The following MAP3K20 variants were observed in gnomAD, a reference collection of about 807,000 sequenced individuals.
The protein encoded by MAP3K20 is mitogen-activated protein kinase kinase kinase 20, also known as HCCS-4.
Under a neutral mutation model 85.7 loss-of-function variants are expected in MAP3K20, and 40 were observed. The ratio of observed to expected loss-of-function variants is 0.47; its 90% confidence interval spans 0.36 to 0.61. The LOEUF is 0.61. MAP3K20 is among the 20% of genes least tolerant of loss of function. The probability of loss-of-function intolerance (pLI) is 0.00; values close to 1 mark genes in which losing one functional copy is unlikely to be tolerated. For missense variants in MAP3K20, 817 were observed against 961.7 expected (o/e 0.85, Z 1.99); for synonymous variants, 325 against 327.7 (o/e 0.99, Z 0.09).
At position 173,232,186 on chromosome 2, in the gene MAP3K20, T is replaced by G; in HGVS notation, c.1033-6T>G. 1 of 1,614,228 alleles carries G rather than the reference T, an allele frequency of 6.2e-7. No individual in the cohort carries two copies. The highest frequency in any genetic ancestry group is 1.6e-4 in the Middle Eastern group (1 of 6,062). On this transcript the variant is annotated splice_region_variant and splice_polypyrimidine_tract_variant and intron_variant, in intron 12 of 19. Transcript: ENST00000375213. ...TTCAAAACCGTATGTGTCCTCTCTT[T>G]CACAGTATTGTTGGGTTCAGCAGCT...
At chr2:173,127,722 A>G (rs2106195794) in intron 2 of MAP3K20, among the ~76,000 whole-genome samples, 1 of 137,124 alleles carries the variant, frequency 7.3e-6, no homozygotes, top group East Asian at 2.2e-4. Context: ...AGTAAAATTT[A>G]TCCTATGTTA....
At chr2:173,193,843 C>T (rs575713134) in intron 7 of MAP3K20, among the ~76,000 whole-genome samples, 3 of 152,268 alleles carry the variant, frequency 2.0e-5, no homozygotes, top group Admixed American at 2.0e-4. Flanking sequence ...GCTGACCCTA[C>T]CTTTGCTTAG....
upstream of MAP3K20, chr2:173,075,732 G>A (rs1186703935): frequency 2.0e-6 from 2 of 985,332 alleles, no homozygotes; most frequent in Non-Finnish European, 2.4e-6. Flanking sequence ...CCGGGCGCAG[G>A]CCAGGGAGGC....
chr2:173,221,037 C>A, intron 11 of MAP3K20: 1 of 805,740 alleles, frequency 1.2e-6, no homozygotes, highest in Non-Finnish European at 1.7e-6. Flanking sequence ...TCATTTATTT[C>A]ACTAATCATT....
intron 11 of MAP3K20, among the ~76,000 whole-genome samples, chr2:173,218,666 T>A (rs1193341706): frequency 6.6e-6 from 1 of 152,228 alleles, no homozygotes; most frequent in Non-Finnish European, 1.5e-5. Flanking sequence ...TTAAAATGCA[T>A]TGAAATCTAA....
intron 9 of MAP3K20, 165 bp from the exon 10 acceptor site, chr2:173,209,564 C>CTGAG: frequency 1.8e-6 from 1 of 565,080 alleles, no homozygotes; most frequent in Non-Finnish European, 3.0e-6. Flanking sequence ...CTCCCTAAAC[C>CTGAG]TGAGTGATCT....
At chr2:173,168,852 A>G (rs940844129) in intron 2 of MAP3K20, among the ~76,000 whole-genome samples, 3 of 152,154 alleles carry the variant, frequency 2.0e-5, no homozygotes, top group African/African-American at 7.2e-5. Flanking sequence ...ATTAGCAGAT[A>G]TATATTATAG....
rs550171521 is a variant in MAP3K20 at position 173,086,057 on chromosome 2, A to G, written c.-34-4941A>G. Among the ~76,000 whole-genome samples the G allele has an allele frequency of 7.9e-5, 12 of 152,118 alleles. No individual in the cohort carries two copies. The East Asian group carries it at 2.1e-3, about 27-fold the overall frequency. ...GTGATCCACCCATCTCGGCTTCCCA[A>G]AGTGCTGGGACTATAGGCGTGAGCC... is the stretch of plus-strand genomic sequence containing the variant. On this transcript the variant is annotated intron_variant, in intron 1 of 19. Transcript: ENST00000375213.
At chr2:173,185,929 G>A (rs1440194794) in intron 4 of MAP3K20, among the ~76,000 whole-genome samples, 1 of 152,110 alleles carries the variant, frequency 6.6e-6, no homozygotes, top group Non-Finnish European at 1.5e-5. Context: ...AACCCTGAAT[G>A]TACACCTGAT....
chr2:173,179,691 T>C (rs1690266129), intron 3 of MAP3K20, among the ~76,000 whole-genome samples: 1 of 128,532 alleles, frequency 7.8e-6, no homozygotes, highest in Non-Finnish European at 1.6e-5. Context: ...AGGTAGAAAA[T>C]CCTAAGGAAT....
At chr2:173,156,591 A>G (rs1689479225) in intron 2 of MAP3K20, among the ~76,000 whole-genome samples, 1 of 152,190 alleles carries the variant, frequency 6.6e-6, no homozygotes, top group South Asian at 2.1e-4. Context: ...AAGACCGTGC[A>G]ACCTAGATCC....
chr2:173,158,077 C>G (rs1689532990), intron 2 of MAP3K20, among the ~76,000 whole-genome samples: 1 of 152,146 alleles, frequency 6.6e-6, no homozygotes, highest in Non-Finnish European at 1.5e-5. Context: ...ATTTCTTGTA[C>G]CCTCGGGCAA....
chr2:173,246,999 A>G (rs1684931534), intron 16 of MAP3K20, among the ~76,000 whole-genome samples: 1 of 152,196 alleles, frequency 6.6e-6, no homozygotes, highest in African/African-American at 2.4e-5. Context: ...AACCTTTGGA[A>G]GAGGTAGAAG....
intron 11 of MAP3K20, chr2:173,224,500 G>T: frequency 1.0e-6 from 1 of 985,140 alleles, no homozygotes; most frequent in Non-Finnish European, 1.2e-6. Flanking sequence ...CATTAATTAG[G>T]TAATATTTTC....
chr2:173,226,470 T>G, intron 11 of MAP3K20: 5 of 985,714 alleles, frequency 5.1e-6, no homozygotes, highest in Non-Finnish European at 6.0e-6. Context: ...TTTTCCTGTT[T>G]AAGTGTTAAG....
intron 2 of MAP3K20, among the ~76,000 whole-genome samples, chr2:173,093,380 A>C (rs1687357722): frequency 6.6e-6 from 1 of 152,202 alleles, no homozygotes; most frequent in Non-Finnish European, 1.5e-5. Flanking sequence ...TTTAAGAATG[A>C]CTTAATATTA....
chr2:173,224,142 G>A, intron 11 of MAP3K20: 1 of 859,578 alleles, frequency 1.2e-6, no homozygotes, highest in Non-Finnish European at 1.4e-6. Flanking sequence ...GCCAAAAAAT[G>A]AAGCCGGGAA....
At chr2:173,232,788 G>A (rs2106331855) in intron 14 of MAP3K20, among the ~76,000 whole-genome samples, 1 of 152,356 alleles carries the variant, frequency 6.6e-6, no homozygotes, top group African/African-American at 2.4e-5. Context: ...ACAGGCGTGA[G>A]CCACCAGGCC....
chr2:173,265,421 C>T (rs1008866825), intron 19 of MAP3K20, among the ~76,000 whole-genome samples: 1 of 152,232 alleles, frequency 6.6e-6, no homozygotes. Flanking sequence ...AATGCAGCTT[C>T]ATTTTTTTAT....
Sources: gnomAD v4.1 joint callset for allele counts (sites outside exome capture counted in the v4.1 genomes callset) on GRCh38, gnomAD v4.1.1 for gene constraint, MANE v1.5 for transcripts, NCBI Gene and HGNC (gene_info 2026-07-23, HGNC 2026-07-21) for gene names.